FAM110B: variants seen among roughly 807,000 people sequenced by gnomAD.
FAM110B encodes the protein protein FAM110B.
In FAM110B, 6 loss-of-function variants were observed where a neutral mutation model predicts 20.4. The ratio of observed to expected loss-of-function variants is 0.29; its 90% CI spans 0.16 to 0.58. FAM110B has a LOEUF of 0.58. FAM110B is among the 20% of genes least tolerant of loss of function. The probability of loss-of-function intolerance (pLI) is 0.90; values close to 1 mark genes in which losing one functional copy is unlikely to be tolerated. For missense variants in FAM110B, 434 were observed against 498.2 expected (o/e 0.87, Z 1.23); for synonymous variants, 226 against 214.1 (o/e 1.06, Z -0.49).
chr8:58,007,907 A>T (rs1368783861), intron 1 of FAM110B, among the ~76,000 whole-genome samples: 2 of 152,198 alleles, frequency 1.3e-5, no homozygotes, highest in Admixed American at 1.3e-4. Flanking sequence ...ATGTTACGTC[A>T]GAAGGTGTTA....
chr8:58,135,174 C>A (rs1803580582), intron 3 of FAM110B, among the ~76,000 whole-genome samples: 1 of 152,180 alleles, frequency 6.6e-6, no homozygotes, highest in South Asian at 2.1e-4. Context: ...CTTTAAATGT[C>A]TCTGGACATC....
chr8:58,100,664 C>A (rs1191937726), intron 3 of FAM110B, among the ~76,000 whole-genome samples: 1 of 152,146 alleles, frequency 6.6e-6, no homozygotes, highest in Non-Finnish European at 1.5e-5. Context: ...GTGTCTGTGT[C>A]CAAATTGCCC....
chr8:58,050,206 CT>C (rs1805411755), intron 2 of FAM110B, among the ~76,000 whole-genome samples: 1 of 149,236 alleles, frequency 6.7e-6, no homozygotes, highest in African/African-American at 2.6e-5. Flanking sequence ...ACCTCTTATA[CT>C]TTTCTTTTTT....
At position 58,054,186 on chromosome 8, in the gene FAM110B, G is replaced by A. The variant is rs114394895; in HGVS notation, c.-413-21349G>A. 2.8e-3 allele frequency among the ~76,000 whole-genome samples: 430 copies of A among 152,222 alleles called. 1 individual carries two copies. Among genetic ancestry groups the A allele is most frequent in the African/African-American group, 9.8e-3 (406 of 41,522 alleles). On this transcript the variant is annotated intron_variant, in intron 2 of 3. Coordinates refer to ENST00000519262, the MANE Select transcript of FAM110B (RefSeq NM_001377989.1). ...TTACTATGAACTGAAAAACCTTTAGGCCAAACTTAAAATGCATAAGGAGGC... is the reference window on the plus strand; with the variant it reads ...TTACTATGAACTGAAAAACCTTTAGACCAAACTTAAAATGCATAAGGAGGC...
intron 3 of FAM110B, among the ~76,000 whole-genome samples, chr8:58,129,275 C>T (rs1258765150): frequency 6.6e-6 from 1 of 152,236 alleles, no homozygotes; most frequent in Non-Finnish European, 1.5e-5. Context: ...CCAGTGGCCT[C>T]AGGGGTACTG....
intron 3 of FAM110B, among the ~76,000 whole-genome samples, chr8:58,087,618 C>T (rs971438176): frequency 3.9e-5 from 6 of 152,096 alleles, no homozygotes; most frequent in African/African-American, 7.2e-5. Context: ...ATTGGCTCAT[C>T]GGCAGAATGA....
In FAM110B at chr8:58,085,956, C is replaced by G. The variant is rs530881110; in HGVS notation, c.-325+10333C>G. 1.2e-4 allele frequency among the ~76,000 whole-genome samples: 18 copies of G among 152,298 alleles called. 1 individual carries two copies. Among genetic ancestry groups the G allele is most frequent in the Admixed American group, 7.2e-4 (11 of 15,304 alleles). On this transcript the variant is annotated intron_variant, in intron 3 of 3. Coordinates refer to ENST00000519262, the MANE Select transcript of FAM110B (RefSeq NM_001377989.1). ...GCTTACAAAATTAATTTGTAACTTT[C>G]CAAAATGTTTTCTGATTGGTGAAGC... is the stretch of plus-strand genomic sequence containing the variant.
intron 2 of FAM110B, among the ~76,000 whole-genome samples, chr8:58,049,614 G>A (rs534273673): frequency 6.6e-6 from 1 of 152,224 alleles, no homozygotes; most frequent in South Asian, 2.1e-4. Flanking sequence ...TGGCTACACT[G>A]AATCTTAAAG....
At chr8:58,065,662 A>G (rs1805744574) in intron 2 of FAM110B, among the ~76,000 whole-genome samples, 1 of 152,126 alleles carries the variant, frequency 6.6e-6, no homozygotes, top group Non-Finnish European at 1.5e-5. Context: ...CCATGGGATG[A>G]TTATTAATAA....
chr8:58,122,005 C>G (rs1807373805), intron 3 of FAM110B, among the ~76,000 whole-genome samples: 2 of 152,166 alleles, frequency 1.3e-5, no homozygotes, highest in African/African-American at 4.8e-5. Flanking sequence ...GAAGCACACC[C>G]TCTGTAAGCC....
chr8:58,146,857 G>C lies in FAM110B; in HGVS notation c.627G>C (p.Val209=). 6.2e-7 allele frequency: 1 copy of C among 1,613,834 alleles called. No homozygotes were observed. The highest frequency in any genetic ancestry group is 1.1e-5 in the South Asian group (1 of 91,028). ...CGGACATCCGCAAGGTGACCAGCGT[G>C]AAGCCCCTCAAGGCCATCCCCTGCA... ...SSSDIRKVTS[V]KPLKAIPCSS... Residue 209 remains valine (V), a synonymous_variant, in exon 4 of 4, where the codon GTG becomes GTC. Coordinates refer to ENST00000519262, the MANE Select transcript of FAM110B (RefSeq NM_001377989.1).
At chr8:58,119,073 G>T (rs1017128113) in intron 3 of FAM110B, among the ~76,000 whole-genome samples, 7 of 152,214 alleles carry the variant, frequency 4.6e-5, no homozygotes, top group Admixed American at 3.9e-4. Flanking sequence ...CCTTACTGGA[G>T]GTGGCTGGAC....
intron 1 of FAM110B, among the ~76,000 whole-genome samples, chr8:58,007,940 C>T (rs373103128): frequency 1.3e-5 from 2 of 151,994 alleles, no homozygotes; most frequent in Non-Finnish European, 2.9e-5. Context: ...CATATTTATA[C>T]GTAAAGTAAC....
intron 3 of FAM110B, among the ~76,000 whole-genome samples, chr8:58,107,000 TA>T (rs1430039773): frequency 1.3e-5 from 2 of 152,180 alleles, no homozygotes; most frequent in Non-Finnish European, 2.9e-5. Flanking sequence ...CGTTGATTAT[TA>T]AGTACTCATT....
chr8:58,138,277 T>C (rs1054555630), intron 3 of FAM110B, among the ~76,000 whole-genome samples: 1 of 152,254 alleles, frequency 6.6e-6, no homozygotes, highest in African/African-American at 2.4e-5. Context: ...AGGAGGGCTT[T>C]GGGCAGACAT....
At chr8:58,076,187 T>C (rs972585155) in intron 3 of FAM110B, among the ~76,000 whole-genome samples, 1 of 152,196 alleles carries the variant, frequency 6.6e-6, no homozygotes, top group Non-Finnish European at 1.5e-5. Flanking sequence ...TATTAACTCC[T>C]GGCTTCAAGC....
chr8:58,078,547 C>CTTTTTTTTTT (rs71555701), intron 3 of FAM110B, among the ~76,000 whole-genome samples: 2 of 115,546 alleles, frequency 1.7e-5, no homozygotes, highest in Non-Finnish European at 3.5e-5. Flanking sequence ...AGATTTTTGC[C>CTTTTTTTTTT]TTTTTTTTTT....
chr8:58,000,737 C>T (rs930425395), intron 1 of FAM110B, among the ~76,000 whole-genome samples: 2 of 152,128 alleles, frequency 1.3e-5, no homozygotes, highest in African/African-American at 4.8e-5. Context: ...ACCAGTGAAT[C>T]CTGATTACGC....
chr8:58,127,496 GCTT>G (rs10538669), intron 3 of FAM110B, among the ~76,000 whole-genome samples: 24,325 of 151,910 alleles, frequency 0.16, 4,948 homozygotes, highest in African/African-American at 0.48. Flanking sequence ...TCTTACACCT[GCTT>G]CTTCTTTATT....
Sources: allele counts gnomAD v4.1 joint callset (sites outside exome capture counted in the v4.1 genomes callset), GRCh38; gene constraint gnomAD v4.1.1; transcripts MANE v1.5; gene names NCBI Gene and HGNC (gene_info 2026-07-23, HGNC 2026-07-21).